Variants in ZNF766 observed in about 807,000 individuals in gnomAD.
ZNF766 encodes zinc finger protein 766.
In ZNF766, 13 loss-of-function variants were observed where a neutral mutation model predicts 13.2. The observed-to-expected ratio is 0.98, with a 90% CI of 0.64 to 1.56. The LOEUF is 1.56. Ranked by LOEUF, ZNF766 falls within the 40% of genes most tolerant of loss-of-function variation. The pLI, the probability that ZNF766 is intolerant of heterozygous loss-of-function variation, is 0.00. For synonymous variants in ZNF766, 178 were observed against 187.6 expected (o/e 0.95, Z 0.42); for missense variants, 521 against 552.2 (o/e 0.94, Z 0.57).
intron 3 of ZNF766, among the ~76,000 whole-genome samples, chr19:52,287,123 CCG>C: frequency 6.6e-6 from 1 of 151,980 alleles, no homozygotes; most frequent in African/African-American, 2.4e-5. Flanking sequence ...GTGTGAGCCA[CCG>C]TGCCCGACCT....
intron 3 of ZNF766, chr19:52,287,907 T>G: frequency 2.7e-6 from 1 of 363,932 alleles, no homozygotes; most frequent in South Asian, 2.0e-5. Flanking sequence ...TTGTCAAAAG[T>G]CTTACCCAAA....
In ZNF766 at chr19:52,282,351, C is replaced by T. The variant is rs1294981402; in HGVS notation, c.145+114C>T. On this transcript the variant is annotated intron_variant, in intron 2 of 3. Transcript: ENST00000439461. Reference sequence around the variant, plus strand: ...TTGACTGAGATTGAAACCCTGTTGACTTGGCTGGGCACGGTGGCTCATGCC... The same window carrying T: ...TTGACTGAGATTGAAACCCTGTTGATTTGGCTGGGCACGGTGGCTCATGCC... 5 of 1,322,430 alleles carry T rather than the reference C, an allele frequency of 3.8e-6. No homozygotes were observed. The African/African-American group carries it at 7.5e-5, about 20-fold the overall frequency. 81.9% of individuals were successfully genotyped at this position (1,322,430 alleles called of 1,614,324 possible).
rs1980930298 is a variant in ZNF766, at chr19:52,270,495, A to G, written c.18+864A>G. 2.6e-5 allele frequency among the ~76,000 whole-genome samples: 4 copies of G among 152,168 alleles called. No homozygotes were observed. The South Asian group carries it at 8.3e-4, about 32-fold the overall frequency. The stretch of plus-strand genomic sequence containing the variant: ...GGGGCAGCAAAGCGGGAGGCTCCTC[A>G]GACAAAGTTGGGGAGAGGAGGAGGG... On this transcript the variant is annotated intron_variant, in intron 1 of 3. Coordinates refer to ENST00000439461, the MANE Select transcript of ZNF766 (RefSeq NM_001010851.3).
In ZNF766 at chr19:52,269,606, G is replaced by T; in HGVS notation, c.-8G>T. On this transcript the variant is annotated 5_prime_UTR_variant, in exon 1 of 4. Transcript: ENST00000439461. ...GCCTGCAGACCCGGAAGTGGATGGC[G>T]TGGAGATATGGCGCAACTGCGGCGC... The T allele has an allele frequency of 6.2e-7, 1 of 1,612,524 alleles. No individual in the cohort carries two copies. Among genetic ancestry groups the T allele is most frequent in the African/African-American group, 1.3e-5 (1 of 75,044 alleles).
At chr19:52,281,241 G>A (rs949126089) in intron 1 of ZNF766, among the ~76,000 whole-genome samples, 1 of 151,960 alleles carries the variant, frequency 6.6e-6, no homozygotes, top group African/African-American at 2.4e-5. Context: ...CTATTGGGCC[G>A]GGTGCGGTGG....
chr19:52,275,274 G>A (rs1478423043), intron 1 of ZNF766, among the ~76,000 whole-genome samples: 1 of 151,550 alleles, frequency 6.6e-6, no homozygotes, highest in Non-Finnish European at 1.5e-5. Flanking sequence ...TGTTTAAAAA[G>A]GTTAAAAAAA....
intron 1 of ZNF766, chr19:52,281,409 C>T (rs985097699): frequency 1.1e-4 from 31 of 274,964 alleles, no homozygotes; most frequent in African/African-American, 7.3e-4. Flanking sequence ...ATGCTAGCTG[C>T]TCGGGAGGCT....
In ZNF766 at chr19:52,290,348, C is replaced by T. The variant is rs763475668; in HGVS notation, c.557C>T (p.Pro186Leu). The change falls in exon 4 of 4, where the codon CCT becomes CTT. Residue 186 changes from proline (P) to leucine (L), a missense_variant. Pro to Leu is a moderately conservative substitution (Grantham distance 98). Coordinates refer to ENST00000439461, the MANE Select transcript of ZNF766 (RefSeq NM_001010851.3). ...CAGAAAGCACACATTAGGAGAAAAC[C>T]TTACGAATGTAATGAGCAGGGCAAA... ...QEQKAHIRRK[P>L]YECNEQGKVF... is the part of the protein sequence containing the mutation. 1 of 1,614,084 alleles carries T rather than the reference C, an allele frequency of 6.2e-7. No individual in the cohort carries two copies. The highest frequency in any genetic ancestry group is 1.1e-5 in the South Asian group (1 of 91,080).
intron 2 of ZNF766, 63 bp from the exon 3 acceptor site, chr19:52,283,222 T>G: frequency 6.4e-7 from 1 of 1,564,924 alleles, no homozygotes. Context: ...CTCTGCTGCC[T>G]AAACAGAGGG....
rs1247285561 is a variant in ZNF766, at chr19:52,276,394, T to C, written c.19-5717T>C. ...TATATTGGTATATTGCTTCCTTTTGTCTTTTTTAAATTATTTAAGTCTGTA... is the reference window on the plus strand; with the variant it reads ...TATATTGGTATATTGCTTCCTTTTGCCTTTTTTAAATTATTTAAGTCTGTA... On this transcript the variant is annotated intron_variant, in intron 1 of 3. Transcript: ENST00000439461. 2.0e-5 allele frequency among the ~76,000 whole-genome samples: 3 copies of C among 152,244 alleles called. No individual in the cohort carries two copies. The East Asian group carries it at 5.8e-4, about 29-fold the overall frequency.
At chr19:52,275,903 A>C (rs1342286500) in intron 1 of ZNF766, among the ~76,000 whole-genome samples, 4 of 150,876 alleles carry the variant, frequency 2.7e-5, no homozygotes, top group South Asian at 2.1e-4. Flanking sequence ...CTGGTCTCGA[A>C]CTCCTGACCT....
chr19:52,285,100 A>G (rs577891591), intron 3 of ZNF766: 1 of 152,258 alleles, frequency 6.6e-6, no homozygotes, highest in Admixed American at 6.5e-5. Context: ...AACCATGGAT[A>G]TGAAGGCCAA....
chr19:52,278,366 A>G (rs576079655), intron 1 of ZNF766, among the ~76,000 whole-genome samples: 3 of 152,076 alleles, frequency 2.0e-5, no homozygotes, highest in South Asian at 2.1e-4. Context: ...ATGTATGTCT[A>G]CTTTTGAGAG....
intron 1 of ZNF766, among the ~76,000 whole-genome samples, chr19:52,274,101 G>A (rs1981089022): frequency 6.6e-6 from 1 of 152,178 alleles, no homozygotes; most frequent in South Asian, 2.1e-4. Flanking sequence ...TGAGCAGGAT[G>A]ATACAATCTC....
Position 52,290,936 on chromosome 19 carries a change from C to T in ZNF766, c.1145C>T (p.Pro382Leu). ...VHQRNHNGEK[P>L]YKCHECGKVF... ...CAGAGAAATCATAATGGAGAGAAAC[C>T]TTATAAATGTCATGAATGTGGCAAA... The change falls in exon 4 of 4, where the codon CCT (proline) becomes CTT (leucine). Residue 382 changes from proline to leucine, a missense_variant. Transcript: ENST00000439461. 7 of 1,614,056 alleles carry T rather than the reference C, an allele frequency of 4.3e-6. No homozygotes were observed. Among genetic ancestry groups the T allele is most frequent in the Non-Finnish European group, 5.9e-6 (7 of 1,180,004 alleles).
intron 3 of ZNF766, chr19:52,288,158 C>G: frequency 3.3e-6 from 1 of 301,536 alleles, no homozygotes; most frequent in South Asian, 2.6e-5. Flanking sequence ...GTAGCTGGGA[C>G]TGTGAGCACA....
At chr19:52,272,269 G>T (rs1045154991) in intron 1 of ZNF766, among the ~76,000 whole-genome samples, 6 of 152,044 alleles carry the variant, frequency 3.9e-5, no homozygotes, top group Non-Finnish European at 8.8e-5. Context: ...GTCCAATTTT[G>T]AATTTCCTAT....
chr19:52,269,631 C>G lies in ZNF766; in HGVS notation c.18C>G (p.Arg6=), dbSNP rs756135110. MAQLR[R]GHLTFRDVAI... is the part of the protein sequence containing the mutation. The stretch of plus-strand genomic sequence containing the variant: ...GTGGAGATATGGCGCAACTGCGGCG[C>G]GTGAGTTTTCCTTTGTTTAGATTAA... Residue 6 remains arginine, a splice_region_variant and synonymous_variant, in exon 1 of 4, where the codon CGC becomes CGG. Transcript: ENST00000439461. The G allele has an allele frequency of 1.2e-6, 2 of 1,612,822 alleles. No homozygotes were observed. Among genetic ancestry groups the G allele is most frequent in the Non-Finnish European group, 1.7e-6 (2 of 1,179,694 alleles).
At chr19:52,283,798 C>T (rs62110409) in intron 3 of ZNF766, among the ~76,000 whole-genome samples, 5,469 of 152,232 alleles carry the variant, frequency 0.036, 125 homozygotes, top group Non-Finnish European at 0.055. Flanking sequence ...AGTGCAATGG[C>T]GTGATCTCAG....
Sources: gnomAD v4.1 joint callset for allele counts (sites outside exome capture counted in the v4.1 genomes callset) on GRCh38, gnomAD v4.1.1 for gene constraint, MANE v1.5 for transcripts, NCBI Gene and HGNC (gene_info 2026-07-23, HGNC 2026-07-21) for gene names.